The following VLDLR variants were observed in gnomAD, a reference collection of about 807,000 sequenced individuals.
VLDLR encodes the protein very low density lipoprotein receptor.
VLDLR carries 81 observed loss-of-function variants against 112.7 expected under a neutral mutation model. The ratio of observed to expected loss-of-function variants is 0.72; its 90% CI spans 0.60 to 0.86. VLDLR has a LOEUF of 0.86. Ranked by LOEUF, VLDLR falls within the 40% of genes least tolerant of loss-of-function variation. The pLI, the probability that VLDLR is intolerant of heterozygous loss-of-function variation, is 0.00. For synonymous variants in VLDLR, 436 were observed against 384.8 expected (o/e 1.13, Z -1.56); for missense variants, 1,237 against 1,099.4 (o/e 1.13, Z -1.77).
chr9:2,622,535 G>C (rs1816859442), intron 1 of VLDLR, among the ~76,000 whole-genome samples: 1 of 152,186 alleles, frequency 6.6e-6, no homozygotes, highest in Non-Finnish European at 1.5e-5. Context: ...GCCTCCCCCA[G>C]AGCCGCTGCT....
intron 7 of VLDLR, among the ~76,000 whole-genome samples, 194 bp downstream of exon 7, chr9:2,644,153 G>GTTTT (rs59793046): frequency 2.0e-3 from 192 of 96,358 alleles, no homozygotes; most frequent in East Asian, 2.7e-3. Context: ...TGTTTTTGTT[G>GTTTT]TTTTTTTTTT....
chr9:2,650,229 T>C, intron 14 of VLDLR, 141 bp from the exon 15 acceptor site: 1 of 989,830 alleles, frequency 1.0e-6, no homozygotes, highest in South Asian at 1.4e-5. Flanking sequence ...TCCTTGATAC[T>C]GTTCTCACTT....
chr9:2,627,432 A>G (rs1252955228), intron 1 of VLDLR, among the ~76,000 whole-genome samples: 2 of 152,130 alleles, frequency 1.3e-5, no homozygotes, highest in Non-Finnish European at 2.9e-5. Flanking sequence ...ATCACACTCA[A>G]CTTTACCAGT....
Position 2,643,734 on chromosome 9 carries a change from A to G in VLDLR, c.927A>G (p.Glu309=). The change falls in exon 6 of 19, where the codon GAA becomes GAG. Residue 309 remains glutamate, a synonymous_variant. Coordinates refer to ENST00000382100, the MANE Select transcript of VLDLR (RefSeq NM_003383.5). ...GAGACTGTGTCGATGGTTCCGATGAAGTCAACTGCAAAAATGGTAAGGGTT... is the reference window on the plus strand; with the variant it reads ...GAGACTGTGTCGATGGTTCCGATGAGGTCAACTGCAAAAATGGTAAGGGTT... ...GIRDCVDGSD[E]VNCKNVNQCL... 3 of 1,614,190 alleles carry G rather than the reference A, an allele frequency of 1.9e-6. No individual in the cohort carries two copies. The highest frequency in any genetic ancestry group is 2.5e-6 in the Non-Finnish European group (3 of 1,180,022).
chr9:2,645,229 A>T, intron 9 of VLDLR, 147 bp downstream of exon 9: 2 of 1,204,170 alleles, frequency 1.7e-6, no homozygotes, highest in Non-Finnish European at 2.4e-6. Context: ...AGTATAGGTC[A>T]AATAGCAGAT....
rs12343030 is a variant in VLDLR, at chr9:2,629,152, G to A, written c.83-6301G>A. 3.2e-3 allele frequency among the ~76,000 whole-genome samples: 493 copies of A among 152,346 alleles called. 3 individuals are homozygous for A. The highest frequency in any genetic ancestry group is 0.011 in the African/African-American group (477 of 41,584). ...CTGCTGAATCAGAATCCAGGCTGGG[G>A]CCCAGCATTCTGTGTTTTAACAAGC... On this transcript the variant is annotated intron_variant, in intron 1 of 18. Coordinates refer to ENST00000382100, the MANE Select transcript of VLDLR (RefSeq NM_003383.5).
chr9:2,642,009 T>G (rs1586648869), intron 4 of VLDLR, among the ~76,000 whole-genome samples: 1 of 151,972 alleles, frequency 6.6e-6, no homozygotes, highest in Non-Finnish European at 1.5e-5. Context: ...AATTAACATC[T>G]TGCCTCAGAT....
In VLDLR at chr9:2,653,891, T is replaced by C. The variant is rs138315503; in HGVS notation, c.*23T>C. 1 of 1,613,692 alleles carries C rather than the reference T, an allele frequency of 6.2e-7. No individual in the cohort carries two copies. The highest frequency in any genetic ancestry group is 2.2e-5 in the East Asian group (1 of 44,876). ...TGACTTCTGTGACAAATGTTGACCT[T>C]TGAGGTCTAAACAAATAATACCCCC... On this transcript the variant is annotated 3_prime_UTR_variant, in exon 19 of 19. Coordinates refer to ENST00000382100, the MANE Select transcript of VLDLR (RefSeq NM_003383.5).
rs898335356 is a variant in VLDLR at position 2,656,593 on chromosome 9, G to C, written c.*2725G>C. 5 of 152,132 alleles carry C rather than the reference G, an allele frequency of 3.3e-5. No homozygotes were observed. The highest frequency in any genetic ancestry group is 1.2e-4 in the African/African-American group (5 of 41,422). The allele number at this position is 152,132 out of a possible 1,614,324, so 9.4% of individuals were successfully genotyped here. On this transcript the variant is annotated 3_prime_UTR_variant, in exon 19 of 19. Transcript: ENST00000382100. ...AAATGTGTTAGGATAAGTTTGCTCT[G>C]TCTCTAGAGTTCAATGTAGAAGATA...
chr9:2,637,826 C>T (rs1357621101), intron 2 of VLDLR, among the ~76,000 whole-genome samples: 1 of 152,060 alleles, frequency 6.6e-6, no homozygotes, highest in Non-Finnish European at 1.5e-5. Flanking sequence ...GCCTGTAGTC[C>T]CAGCTACTCG....
intron 4 of VLDLR, among the ~76,000 whole-genome samples, chr9:2,642,897 A>G (rs187666021): frequency 2.6e-5 from 4 of 152,320 alleles, no homozygotes; most frequent in Admixed American, 1.3e-4. Flanking sequence ...TTTAGAATCA[A>G]TTGTGGTTCT....
In VLDLR at chr9:2,624,756, A is replaced by T. The variant is rs759570383; in HGVS notation, c.82+2485A>T. 1.3e-5 allele frequency among the ~76,000 whole-genome samples: 2 copies of T among 152,232 alleles called. 1 individual carries two copies. The highest frequency in any genetic ancestry group is 4.1e-4 in the South Asian group (2 of 4,828). On this transcript the variant is annotated intron_variant, in intron 1 of 18. Transcript: ENST00000382100. ...AACTTGGCTCATCCAGATAGCACCA[A>T]TGAAGGTATGACGATGATAGTACCC... is the stretch of plus-strand genomic sequence containing the variant.
In VLDLR at chr9:2,654,349, C is replaced by CA; in HGVS notation, c.*488dup. Reference sequence around the variant, plus strand: ...AAACGGGTTACTAAGATGAAATTGCCAAAAAAATTTATAAACTAATTTTGT... The same window carrying CA: ...AAACGGGTTACTAAGATGAAATTGCCAAAAAAAATTTATAAACTAATTTTGT... On this transcript the variant is annotated 3_prime_UTR_variant, in exon 19 of 19. Coordinates refer to ENST00000382100, the MANE Select transcript of VLDLR (RefSeq NM_003383.5). 1 of 160,488 alleles carries CA rather than the reference C, an allele frequency of 6.2e-6. No homozygotes were observed. Among genetic ancestry groups the CA allele is most frequent in the Admixed American group, 5.9e-5 (1 of 16,878 alleles). 9.9% of individuals were successfully genotyped at this position (160,488 alleles called of 1,614,324 possible).
intron 7 of VLDLR, 117 bp from the exon 8 acceptor site, chr9:2,644,617 C>A: frequency 1.5e-6 from 2 of 1,325,588 alleles, no homozygotes; most frequent in Non-Finnish European, 2.1e-6. Context: ...AGGTCTTAGA[C>A]AAATCGTGGG....
At chr9:2,627,568 A>C (rs1437056859) in intron 1 of VLDLR, among the ~76,000 whole-genome samples, 1 of 152,134 alleles carries the variant, frequency 6.6e-6, no homozygotes, top group Non-Finnish European at 1.5e-5. Flanking sequence ...TTTAAATGAT[A>C]AATTGCAACA....
intron 15 of VLDLR, 72 bp from the exon 16 acceptor site, chr9:2,651,343 G>A (rs1377554951): frequency 7.5e-7 from 1 of 1,340,088 alleles, no homozygotes; most frequent in Admixed American, 1.7e-5. Flanking sequence ...CTTTTACATG[G>A]CTTGTCTGGA....
At chr9:2,626,043 A>C (rs1257830089) in intron 1 of VLDLR, among the ~76,000 whole-genome samples, 1 of 152,248 alleles carries the variant, frequency 6.6e-6, no homozygotes, top group East Asian at 1.9e-4. Context: ...AAACACTGTT[A>C]ATACCACTTA....
At chr9:2,643,577 C>A (rs374191910) in intron 5 of VLDLR, 46 bp downstream of exon 5, 1 of 1,614,028 alleles carries the variant, frequency 6.2e-7, no homozygotes, top group Non-Finnish European at 8.5e-7. Context: ...TTCCCTGTAT[C>A]AACTGGGACA....
intron 13 of VLDLR, 99 bp downstream of exon 13, chr9:2,648,446 A>C: frequency 1.3e-6 from 2 of 1,584,704 alleles, no homozygotes; most frequent in South Asian, 2.2e-5. Context: ...GCAGCTGAAC[A>C]TGGCTTGAGA....
Sources: gnomAD v4.1 joint callset for allele counts (sites outside exome capture counted in the v4.1 genomes callset) on GRCh38, gnomAD v4.1.1 for gene constraint, MANE v1.5 for transcripts, NCBI Gene and HGNC (gene_info 2026-07-23, HGNC 2026-07-21) for gene names.